Variants in CD151 observed in about 807,000 individuals in gnomAD.
CD151 encodes CD151 antigen.
CD151 carries 20 observed loss-of-function variants against 34.2 expected under a neutral mutation model. That is an observed-to-expected ratio of 0.58 (90% CI 0.41 to 0.85). CD151 has a LOEUF of 0.85. Among genes scored for constraint, CD151 ranks in the 40% least tolerant of loss-of-function variants. CD151 has a pLI of 0.00. For synonymous variants in CD151, 157 were observed against 131.7 expected (o/e 1.19, Z -1.32); for missense variants, 306 against 324.5 (o/e 0.94, Z 0.44).
Position 836,294 on chromosome 11 carries a change from C to T in CD151, c.128C>T (p.Ala43Val), listed in dbSNP as rs755485787. ...AVMAVGIWTLALKSDYISLLA... is the reference protein window; with the variant it reads ...AVMAVGIWTLVLKSDYISLLA... ...ATGGCAGTGGGCATCTGGACGCTGG[C>T]CCTCAAGAGTGACTACATCAGCCTG... The change falls in exon 4 of 9, where the codon GCC becomes GTC. Residue 43 changes from alanine (A) to valine (V), a missense_variant. By Grantham distance (64) the Ala-to-Val change is moderately conservative. Transcript: ENST00000397420. The T allele has an allele frequency of 6.8e-6, 11 of 1,612,514 alleles. No homozygotes were observed. Among genetic ancestry groups the T allele is most frequent in the Admixed American group, 1.7e-5 (1 of 59,984 alleles).
rs761528106 is a variant in CD151 at position 836,420 on chromosome 11, A to G, written c.254A>G (p.Glu85Gly). The change falls in exon 4 of 9, where the codon GAG (glutamate) becomes GGG (glycine). Residue 85 changes from glutamate to glycine, a missense_variant. By Grantham distance (98) the Glu-to-Gly change is moderately conservative. Transcript: ENST00000397420. ...TTGGGCTGCTGCGCCACCTTCAAGG[A>G]GCGTCGGAACCTGCTGCGCCTGGTC... The part of the protein sequence containing the change: ...GVLGCCATFK[E>G]RRNLLRLYFI... 1 of 1,610,142 alleles carries G rather than the reference A, an allele frequency of 6.2e-7. No individual in the cohort carries two copies. The highest frequency in any genetic ancestry group is 1.1e-5 in the South Asian group (1 of 91,008).
chr11:836,146 G>C lies in CD151; in HGVS notation c.77G>C (p.Cys26Ser). ...LKYLLFTYNC[C>S]FWLAGLAVMA... ...TACCTGCTGTTTACCTACAATTGCT[G>C]CTTCTGGGTGAGGAGGGGTCGCCTT... Residue 26 changes from cysteine to serine, a missense_variant, in exon 3 of 9, where the codon TGC becomes TCC. Coordinates refer to ENST00000397420, the MANE Select transcript of CD151 (RefSeq NM_004357.5). 1 of 1,612,332 alleles carries C rather than the reference G, an allele frequency of 6.2e-7. No homozygotes were observed. Among genetic ancestry groups the C allele is most frequent in the Non-Finnish European group, 8.5e-7 (1 of 1,179,452 alleles).
intron 2 of CD151, 113 bp from the exon 3 acceptor site, chr11:835,950 G>A: frequency 2.9e-6 from 2 of 691,530 alleles, no homozygotes; most frequent in South Asian, 3.1e-5. Flanking sequence ...GCCCCCCAAA[G>A]TGCTGGGATT....
chr11:837,634 G>A lies in CD151; in HGVS notation c.615+16G>A. 1 of 1,608,462 alleles carries A rather than the reference G, an allele frequency of 6.2e-7. No homozygotes were observed. ...CAAGGTGGAGGTGGGTGTGCAGCGG[G>A]ATCATGCCTCCAGTGTCTACGAGGT... On this transcript the variant is annotated intron_variant, in intron 7 of 8. Coordinates refer to ENST00000397420, the MANE Select transcript of CD151 (RefSeq NM_004357.5).
Position 833,388 on chromosome 11 carries a change from T to A in CD151, c.-70+362T>A, listed in dbSNP as rs1175777376. ...TGCTCATTGTCCCTGGACACGGCAG[T>A]CTTCCCTCCGCCCGCAGCAGCCCCC... On this transcript the variant is annotated intron_variant, in intron 1 of 8. Transcript: ENST00000397420. Among the ~76,000 whole-genome samples the A allele has an allele frequency of 2.0e-5, 3 of 152,034 alleles. No homozygotes were observed. In the East Asian group the frequency reaches 5.8e-4, roughly 29 times the overall value.
intron 1 of CD151, among the ~76,000 whole-genome samples, chr11:833,332 A>T (rs1041260126): frequency 1.5e-4 from 23 of 152,216 alleles, no homozygotes; most frequent in Non-Finnish European, 2.6e-4. Context: ...CCTTCAGCCC[A>T]GGGGTCCCGG....
At position 838,391 on chromosome 11, in the gene CD151, G is replaced by T; in HGVS notation, c.*199G>T. 93 of 546,360 alleles carry T rather than the reference G, an allele frequency of 1.7e-4. No individual in the cohort carries two copies. The highest frequency in any genetic ancestry group is 2.8e-4 in the South Asian group (13 of 46,654). The allele number at this position is 546,360 out of a possible 1,614,324, so 33.8% of individuals were successfully genotyped here. A position where few individuals can be genotyped will look rare whatever the true frequency, so the allele number is the denominator to read the frequency against. The stretch of plus-strand genomic sequence containing the variant: ...AGGTGAGGGGGGCTGGCGGGGCGAA[G>T]TTTGGGGGGTGTTTTGTGGGGCTCC... On this transcript the variant is annotated 3_prime_UTR_variant, in exon 9 of 9. Transcript: ENST00000397420.
At chr11:837,864 C>T (rs1017175527) in intron 7 of CD151, 78 bp from the exon 8 acceptor site, 2 of 1,206,902 alleles carry the variant, frequency 1.7e-6, no homozygotes, top group Admixed American at 4.1e-5. Flanking sequence ...TTTGGCCACA[C>T]CCTGGAGGCT....
rs886142465 is a variant in CD151, at chr11:837,311, G to A, written c.413G>A (p.Gly138Asp). Residue 138 changes from glycine to aspartate, a missense_variant, in exon 6 of 9, where the codon GGC becomes GAC. Gly to Asp is a moderately conservative substitution (Grantham distance 94, BLOSUM62 -1). Transcript: ENST00000397420. ...ATGACCAAGCGCTACCACCAGCCGG[G>A]CCATGAGGCTGTGACCAGCGCTGTG... Reference protein sequence around the residue: ...DTMTKRYHQPGHEAVTSAVDQ... With the variant: ...DTMTKRYHQPDHEAVTSAVDQ... 1 of 1,613,062 alleles carries A rather than the reference G, an allele frequency of 6.2e-7. No homozygotes were observed. The highest frequency in any genetic ancestry group is 8.5e-7 in the Non-Finnish European group (1 of 1,179,988).
Position 836,834 on chromosome 11 carries a change from C to T in CD151, c.342C>T (p.Tyr114=). ...TCGCTGGTATCCTCGCCTACGCCTA[C>T]TACCAGCAGGTGAGGGGCCTGGGCA... ...EIIAGILAYA[Y]YQQLNTELKE... The change falls in exon 5 of 9, where the codon TAC becomes TAT. Residue 114 remains tyrosine (Y), a synonymous_variant. Transcript: ENST00000397420. The T allele has an allele frequency of 6.2e-7, 1 of 1,612,660 alleles. No homozygotes were observed. Among genetic ancestry groups the T allele is most frequent in the Non-Finnish European group, 8.5e-7 (1 of 1,179,834 alleles).
chr11:833,370 T>C (rs1355001975), intron 1 of CD151, among the ~76,000 whole-genome samples: 3 of 152,074 alleles, frequency 2.0e-5, no homozygotes. Flanking sequence ...CCCTGCTCAT[T>C]GTCCCTGGAC....
At position 836,821 on chromosome 11, in the gene CD151, T is replaced by G; in HGVS notation, c.329T>G (p.Leu110Arg). The G allele has an allele frequency of 6.2e-7, 1 of 1,612,698 alleles. No homozygotes were observed. Among genetic ancestry groups the G allele is most frequent in the Non-Finnish European group, 8.5e-7 (1 of 1,179,898 alleles). Residue 110 changes from leucine to arginine, a missense_variant, in exon 5 of 9, where the codon CTC becomes CGC. Transcript: ENST00000397420. ...CTGCTGGAGATCATCGCTGGTATCCTCGCCTACGCCTACTACCAGCAGGTG... is the reference window on the plus strand; with the variant it reads ...CTGCTGGAGATCATCGCTGGTATCCGCGCCTACGCCTACTACCAGCAGGTG... The part of the protein sequence containing the change: ...IFLLEIIAGI[L>R]AYAYYQQLNT...
chr11:838,097 TGAC>T, intron 8 of CD151, 33 bp from the exon 9 acceptor site: 1 of 1,609,576 alleles, frequency 6.2e-7, no homozygotes. Context: ...GGTGGCCCCA[TGAC>T]GTCTGCTTAC....
Position 838,328 on chromosome 11 carries a change from T to A in CD151, c.*136T>A, listed in dbSNP as rs1846859924. ...GGGGACCCCAACCTCAGAGGCAGCT[T>A]CAAGTGCCTTTTGCTGCGCACCAAT... On this transcript the variant is annotated 3_prime_UTR_variant, in exon 9 of 9. Coordinates refer to ENST00000397420, the MANE Select transcript of CD151 (RefSeq NM_004357.5). 4.4e-6 allele frequency: 3 copies of A among 688,484 alleles called. No individual in the cohort carries two copies. The South Asian group carries it at 5.0e-5, about 11-fold the overall frequency. The allele number at this position is 688,484 out of a possible 1,614,324, so 42.6% of individuals were successfully genotyped here. A position where few individuals can be genotyped will look rare whatever the true frequency, so the allele number is the denominator to read the frequency against.
At chr11:837,843 C>G (rs1846835167) in intron 7 of CD151, 99 bp from the exon 8 acceptor site, 1 of 981,252 alleles carries the variant, frequency 1.0e-6, no homozygotes, top group African/African-American at 1.6e-5. Flanking sequence ...TGCCTAGGTG[C>G]TAGGGGTGGG....
intron 1 of CD151, 63 bp from the exon 2 acceptor site, chr11:834,467 G>A (rs933193642): frequency 2.0e-5 from 3 of 152,326 alleles, no homozygotes; most frequent in Admixed American, 6.5e-5. Context: ...GAATGAACCC[G>A]GCCCACTCTG....
intron 5 of CD151, 94 bp from the exon 6 acceptor site, chr11:837,156 C>A: frequency 9.7e-7 from 1 of 1,035,154 alleles, no homozygotes; most frequent in Non-Finnish European, 1.5e-6. Flanking sequence ...CTGAGCTGGG[C>A]CCCGGGCCTC....
chr11:837,009 A>C, intron 5 of CD151, 166 bp downstream of exon 5: 1 of 682,752 alleles, frequency 1.5e-6, no homozygotes. Flanking sequence ...GCAGGGGCAC[A>C]TGGGGTCAGG....
Position 835,904 on chromosome 11 carries a change from G to A in CD151, c.-7-159G>A, listed in dbSNP as rs1846745500. On this transcript the variant is annotated intron_variant, in intron 2 of 8. Coordinates refer to ENST00000397420, the MANE Select transcript of CD151 (RefSeq NM_004357.5). ...GGGTTTCACCGTGTTAGCCAGGATG[G>A]TCTTGATCTCCTGACCTTGTGATCT... 4 of 625,556 alleles carry A rather than the reference G, an allele frequency of 6.4e-6. No homozygotes were observed. The East Asian group carries it at 8.4e-5, about 13-fold the overall frequency. 38.8% of individuals were successfully genotyped at this position (625,556 alleles called of 1,614,324 possible).
Sources: allele counts gnomAD v4.1 joint callset (sites outside exome capture counted in the v4.1 genomes callset), GRCh38; gene constraint gnomAD v4.1.1; transcripts MANE v1.5; gene names NCBI Gene and HGNC (gene_info 2026-07-23, HGNC 2026-07-21).